SMPDL3A: variants seen among roughly 807,000 people sequenced by gnomAD.
SMPDL3A encodes sphingomyelin phosphodiesterase acid like 3A, also known as cyclic GMP-AMP phosphodiesterase SMPDL3A.
In SMPDL3A, 39 loss-of-function variants were observed where a neutral mutation model predicts 38.5. The observed-to-expected ratio is 1.01, with a 90% CI of 0.78 to 1.32. The LOEUF (loss-of-function observed/expected upper bound fraction) is 1.32, where lower values mean the gene tolerates loss of function less well. Ranked by LOEUF, SMPDL3A falls within the 40% of genes most tolerant of loss-of-function variation. SMPDL3A has a pLI of 0.00. For missense variants in SMPDL3A, 502 were observed against 536.2 expected (o/e 0.94, Z 0.63); for synonymous variants, 180 against 194.3 (o/e 0.93, Z 0.61).
intron 1 of SMPDL3A, among the ~76,000 whole-genome samples, chr6:122,791,983 G>T (rs1781093207): frequency 6.6e-6 from 1 of 152,266 alleles, no homozygotes; most frequent in Admixed American, 6.5e-5. Context: ...ATGAGCCACC[G>T]CGCCCGACTT....
intron 3 of SMPDL3A, among the ~76,000 whole-genome samples, chr6:122,801,109 G>T (rs1781416002): frequency 6.6e-6 from 1 of 152,188 alleles, no homozygotes; most frequent in Non-Finnish European, 1.5e-5. Flanking sequence ...GTAGTGCCCA[G>T]CACATTGTCT....
intron 6 of SMPDL3A, 124 bp from the exon 7 acceptor site, chr6:122,806,109 A>T: frequency 1.3e-6 from 1 of 756,462 alleles, no homozygotes; most frequent in Non-Finnish European, 2.0e-6. Flanking sequence ...TCAAGTCAGT[A>T]TCCATTAGTG....
At chr6:122,790,347 A>G (rs796909284) in intron 1 of SMPDL3A, among the ~76,000 whole-genome samples, 9 of 152,204 alleles carry the variant, frequency 5.9e-5, no homozygotes, top group African/African-American at 2.2e-4. Context: ...TTGGTGGGAG[A>G]TTGTACAATG....
At chr6:122,791,298 G>A (rs1044471276) in intron 1 of SMPDL3A, among the ~76,000 whole-genome samples, 6 of 152,182 alleles carry the variant, frequency 3.9e-5, no homozygotes, top group African/African-American at 7.2e-5. Flanking sequence ...GGCTGGGACT[G>A]GCTTGTGTAT....
chr6:122,807,071 A>G (rs1457373009), intron 7 of SMPDL3A, among the ~76,000 whole-genome samples: 1 of 105,124 alleles, frequency 9.5e-6, no homozygotes, highest in Admixed American at 9.5e-5. Flanking sequence ...TTATAATCCT[A>G]TTGTAGAGAT....
intron 3 of SMPDL3A, among the ~76,000 whole-genome samples, chr6:122,800,991 TC>T (rs1467317702): frequency 1.3e-5 from 2 of 152,190 alleles, no homozygotes; most frequent in African/African-American, 2.4e-5. Context: ...CCTCAAGTGA[TC>T]CGCCTGCCTT....
intron 4 of SMPDL3A, among the ~76,000 whole-genome samples, chr6:122,802,695 A>T (rs545244091): frequency 6.6e-6 from 1 of 152,234 alleles, no homozygotes; most frequent in Non-Finnish European, 1.5e-5. Flanking sequence ...TATGAGTTTC[A>T]TAATGATATC....
Position 122,809,663 on chromosome 6 carries a change from A to G in SMPDL3A, c.*255A>G, listed in dbSNP as rs1283115662. ...TATTCAGTTTATATAATTATATCTA[A>G]TTTGTACCCTTGTTGAAATTGTCAT... On this transcript the variant is annotated 3_prime_UTR_variant, in exon 8 of 8. Coordinates refer to ENST00000368440, the MANE Select transcript of SMPDL3A (RefSeq NM_006714.5). 8 of 285,938 alleles carry G rather than the reference A, an allele frequency of 2.8e-5. No homozygotes were observed. Among genetic ancestry groups the G allele is most frequent in the Non-Finnish European group, 4.5e-5 (7 of 154,432 alleles). The allele number at this position is 285,938 out of a possible 1,614,324, so 17.7% of individuals were successfully genotyped here.
intron 1 of SMPDL3A, among the ~76,000 whole-genome samples, chr6:122,793,066 G>A (rs1781129012): frequency 6.6e-6 from 1 of 152,152 alleles, no homozygotes; most frequent in African/African-American, 2.4e-5. Flanking sequence ...TTTAATCTCT[G>A]TGTGCTTCAG....
intron 7 of SMPDL3A, among the ~76,000 whole-genome samples, chr6:122,807,092 G>C (rs1002878894): frequency 8.0e-5 from 11 of 138,052 alleles, no homozygotes; most frequent in Non-Finnish European, 1.5e-4. Context: ...GGGGGGGGGG[G>C]GTCTCCCTAT....
Position 122,804,993 on chromosome 6 carries a change from T to C in SMPDL3A, c.823T>C (p.Leu275=), listed in dbSNP as rs61741159. 0.015 allele frequency: 24,855 copies of C among 1,613,088 alleles called. 1,854 individuals carry two copies. In the Admixed American group the frequency reaches 0.21, roughly 14 times the overall value. ...AATGAGAGAATACTATAATGAGAAA[T>C]TGATAGATATTTTTCAAAAATACAG... The part of the protein sequence containing the change: ...TAMREYYNEK[L]IDIFQKYSDV... Residue 275 remains leucine, a synonymous_variant, in exon 6 of 8, where the codon TTG becomes CTG. Coordinates refer to ENST00000368440, the MANE Select transcript of SMPDL3A (RefSeq NM_006714.5).
At chr6:122,803,984 C>CTTT (rs112270814) in intron 5 of SMPDL3A, 151 bp downstream of exon 5, 60 of 501,556 alleles carry the variant, frequency 1.2e-4, no homozygotes, top group South Asian at 1.9e-4. Context: ...GATTTTCTTT[C>CTTT]TTTTTTTTTT....
chr6:122,792,910 G>A (rs1295404375), intron 1 of SMPDL3A, among the ~76,000 whole-genome samples: 1 of 152,116 alleles, frequency 6.6e-6, no homozygotes, highest in Non-Finnish European at 1.5e-5. Context: ...AAGTGAGATT[G>A]GAGATATTTG....
At chr6:122,806,726 C>T (rs1308821817) in intron 7 of SMPDL3A, among the ~76,000 whole-genome samples, 4 of 152,002 alleles carry the variant, frequency 2.6e-5, no homozygotes, top group African/African-American at 9.7e-5. Context: ...ACCATTCCCT[C>T]TCATGAGCCA....
intron 5 of SMPDL3A, 53 bp from the exon 6 acceptor site, chr6:122,804,856 T>C (rs1781548913): frequency 4.1e-6 from 6 of 1,480,898 alleles, no homozygotes; most frequent in Middle Eastern, 1.9e-4. Flanking sequence ...CATTTAGTTA[T>C]GATGAATGTG....
intron 1 of SMPDL3A, among the ~76,000 whole-genome samples, chr6:122,790,409 C>G (rs1301977777): frequency 6.6e-6 from 1 of 152,200 alleles, no homozygotes; most frequent in Non-Finnish European, 1.5e-5. Context: ...TCCTCAACTC[C>G]CTTTAAAAAT....
chr6:122,800,020 G>C (rs1290705514), intron 3 of SMPDL3A, among the ~76,000 whole-genome samples: 2 of 144,338 alleles, frequency 1.4e-5, no homozygotes, highest in Non-Finnish European at 3.0e-5. Flanking sequence ...CTGGAGTGCA[G>C]TGCAGTGGCA....
intron 3 of SMPDL3A, among the ~76,000 whole-genome samples, chr6:122,800,211 C>T (rs533224373): frequency 5.3e-5 from 8 of 151,940 alleles, no homozygotes; most frequent in African/African-American, 1.9e-4. Context: ...TACACTAGAG[C>T]TTATGTCATC....
At chr6:122,806,160 G>A (rs1781607182) in intron 6 of SMPDL3A, 73 bp from the exon 7 acceptor site, 6 of 1,342,948 alleles carry the variant, frequency 4.5e-6, no homozygotes, top group Non-Finnish European at 6.0e-6. Flanking sequence ...CTCTTAATCT[G>A]GAAACTTTAT....
Sources: allele counts gnomAD v4.1 joint callset (sites outside exome capture counted in the v4.1 genomes callset), GRCh38; gene constraint gnomAD v4.1.1; transcripts MANE v1.5; gene names NCBI Gene and HGNC (gene_info 2026-07-23, HGNC 2026-07-21).